Variants in HOOK1 observed in about 807,000 individuals in gnomAD.
HOOK1 encodes hook microtubule tethering protein 1.
HOOK1 carries 60 observed loss-of-function variants against 112.8 expected under a neutral mutation model. The observed-to-expected ratio is 0.53, with a 90% confidence interval of 0.43 to 0.66. HOOK1 has a LOEUF of 0.66. Ranked by LOEUF, HOOK1 falls within the 30% of genes least tolerant of loss-of-function variation. The pLI is 0.00. For synonymous variants in HOOK1, 294 were observed against 283.8 expected, an observed-to-expected ratio of 1.04 and a Z score of -0.36; for missense variants, 770 against 856.0, an observed-to-expected ratio of 0.90 and a Z score of 1.25.
At chr1:59,818,272 G>C (rs527516644) in intron 1 of HOOK1, among the ~76,000 whole-genome samples, 2 of 152,332 alleles carry the variant, frequency 1.3e-5, no homozygotes, top group African/African-American at 4.8e-5. Context: ...AAATCATGGA[G>C]ATAAGACAGT....
intron 15 of HOOK1, among the ~76,000 whole-genome samples, chr1:59,861,985 A>G (rs902648645): frequency 4.6e-5 from 7 of 152,206 alleles, no homozygotes; most frequent in Non-Finnish European, 8.8e-5. Context: ...AGAGACCATT[A>G]AATATTATCA....
In HOOK1 at chr1:59,824,641, T is replaced by C. The variant is rs182608799; in HGVS notation, c.149+2698T>C. On this transcript the variant is annotated intron_variant, in intron 2 of 21. Coordinates refer to ENST00000371208, the MANE Select transcript of HOOK1 (RefSeq NM_015888.6). ...GCAGCAAAATTTAACCAATAGTTTT[T>C]TTCTATTTACTTGAGGCAGATATTT... Among the ~76,000 whole-genome samples the C allele has an allele frequency of 1.2e-4, 18 of 152,348 alleles. No homozygotes were observed. The East Asian group carries it at 3.5e-3, about 29-fold the overall frequency.
chr1:59,822,992 T>TA (rs1426380049), intron 2 of HOOK1, among the ~76,000 whole-genome samples: 1 of 152,206 alleles, frequency 6.6e-6, no homozygotes, highest in Non-Finnish European at 1.5e-5. Flanking sequence ...TTGTAAAACA[T>TA]ACCTTACTCC....
chr1:59,845,108 A>T (rs2098402976), intron 9 of HOOK1, among the ~76,000 whole-genome samples: 1 of 151,932 alleles, frequency 6.6e-6, no homozygotes, highest in Non-Finnish European at 1.5e-5. Flanking sequence ...TCCAAAATCA[A>T]GGTACCAGCA....
chr1:59,822,716 CTCG>C (rs2102005467), intron 2 of HOOK1, among the ~76,000 whole-genome samples: 1 of 152,274 alleles, frequency 6.6e-6, no homozygotes, highest in South Asian at 2.1e-4. Context: ...AGAATCCTAT[CTCG>C]TCTTCACTGT....
Position 59,872,987 on chromosome 1 carries a change from A to C in HOOK1, c.*22A>C. 7.0e-7 allele frequency: 1 copy of C among 1,432,296 alleles called. No individual in the cohort carries two copies. 88.7% of individuals were successfully genotyped at this position (1,432,296 alleles called of 1,614,324 possible). A position where few individuals can be genotyped will look rare whatever the true frequency, so the allele number is the denominator to read the frequency against. On this transcript the variant is annotated 3_prime_UTR_variant, in exon 22 of 22. Transcript: ENST00000371208. ...TTAAACTGCAAAAAAAACAAAACAA[A>C]ACAAAAAAACCACATAAAATAGAAG...
chr1:59,863,396 GC>G (rs1220669983), intron 16 of HOOK1, among the ~76,000 whole-genome samples: 1 of 152,152 alleles, frequency 6.6e-6, no homozygotes, highest in African/African-American at 2.4e-5. Flanking sequence ...AGCCTTGGAG[GC>G]ATCACTCATT....
chr1:59,823,436 A>G (rs1000597752), intron 2 of HOOK1, among the ~76,000 whole-genome samples: 2 of 152,230 alleles, frequency 1.3e-5, no homozygotes, highest in Non-Finnish European at 2.9e-5. Flanking sequence ...ATGATTTGAG[A>G]AAGTCATCAT....
intron 7 of HOOK1, among the ~76,000 whole-genome samples, chr1:59,838,973 G>T (rs995396525): frequency 4.6e-5 from 7 of 152,136 alleles, no homozygotes; most frequent in Non-Finnish European, 1.0e-4. Flanking sequence ...CCCATTACTT[G>T]TGTGTGTCAG....
intron 6 of HOOK1, among the ~76,000 whole-genome samples, chr1:59,836,107 A>G (rs2098397457): frequency 6.6e-6 from 1 of 152,026 alleles, no homozygotes; most frequent in Non-Finnish European, 1.5e-5. Flanking sequence ...TCATTTATAT[A>G]TACCATATGC....
intron 5 of HOOK1, among the ~76,000 whole-genome samples, chr1:59,833,822 A>C (rs903363630): frequency 6.6e-6 from 1 of 152,190 alleles, no homozygotes; most frequent in Admixed American, 6.6e-5. Flanking sequence ...TAGTCAATAA[A>C]AATTGTACTT....
intron 6 of HOOK1, among the ~76,000 whole-genome samples, chr1:59,836,127 A>G (rs1393525522): frequency 6.6e-6 from 1 of 152,092 alleles, no homozygotes; most frequent in African/African-American, 2.4e-5. Context: ...CATTTTCAAA[A>G]TGTTAGATCT....
chr1:59,826,016 A>T (rs1216117572), intron 2 of HOOK1, among the ~76,000 whole-genome samples: 2 of 152,208 alleles, frequency 1.3e-5, no homozygotes, highest in Admixed American at 6.5e-5. Flanking sequence ...ATTTCTGGAT[A>T]TTTCAAGAAG....
chr1:59,862,019 G>A (rs1241760500), intron 15 of HOOK1, among the ~76,000 whole-genome samples: 1 of 152,020 alleles, frequency 6.6e-6, no homozygotes, highest in Non-Finnish European at 1.5e-5. Flanking sequence ...AATACCAGTT[G>A]TTAACACTTT....
At chr1:59,866,045 T>G (rs1232712242) in intron 19 of HOOK1, 73 bp downstream of exon 19, 2 of 798,098 alleles carry the variant, frequency 2.5e-6, no homozygotes, top group Non-Finnish European at 4.3e-6. Context: ...ACTGGATTTT[T>G]CTGCCATTCT....
At chr1:59,867,997 G>C (rs1421740668) in intron 19 of HOOK1, among the ~76,000 whole-genome samples, 1 of 152,086 alleles carries the variant, frequency 6.6e-6, no homozygotes, top group Non-Finnish European at 1.5e-5. Flanking sequence ...CATGTACTGA[G>C]CCTTGGAGAA....
intron 3 of HOOK1, 102 bp from the exon 4 acceptor site, chr1:59,832,061 G>T: frequency 1.6e-6 from 1 of 624,906 alleles, no homozygotes; most frequent in African/African-American, 1.9e-5. Context: ...TGTTTTTGTT[G>T]TTCTTTTTAA....
chr1:59,838,799 C>T (rs1053649341), intron 7 of HOOK1, among the ~76,000 whole-genome samples: 1 of 151,984 alleles, frequency 6.6e-6, no homozygotes, highest in South Asian at 2.1e-4. Flanking sequence ...TGGCATTGCC[C>T]AGGTTTTCTT....
chr1:59,828,651 A>G (rs2098391652), intron 2 of HOOK1, 129 bp from the exon 3 acceptor site: 1 of 599,944 alleles, frequency 1.7e-6, no homozygotes, highest in South Asian at 2.7e-5. Flanking sequence ...ATTGCTATAT[A>G]AGTAATATTC....
Sources: allele counts gnomAD v4.1 joint callset (sites outside exome capture counted in the v4.1 genomes callset), GRCh38; gene constraint gnomAD v4.1.1; transcripts MANE v1.5; gene names NCBI Gene and HGNC (gene_info 2026-07-23, HGNC 2026-07-21).